Variants in DDX60L observed in about 807,000 individuals in gnomAD.
DDX60L encodes the protein probable ATP-dependent RNA helicase DDX60-like.
DDX60L carries 191 observed loss-of-function variants against 211.6 expected under a neutral mutation model. The observed-to-expected ratio is 0.90, with a 90% CI of 0.80 to 1.02. The LOEUF is 1.02. DDX60L is among the 50% of genes least tolerant of loss of function. The pLI is 0.00. For missense variants in DDX60L, 2,007 were observed against 1,984.1 expected, an observed-to-expected ratio of 1.01 and a Z score of -0.22; for synonymous variants, 706 against 694.1, an observed-to-expected ratio of 1.02 and a Z score of -0.27.
At chr4:168,366,484 A>G (rs1413752204) in intron 36 of DDX60L, among the ~76,000 whole-genome samples, 2 of 152,186 alleles carry the variant, frequency 1.3e-5, no homozygotes, top group African/African-American at 2.4e-5. Context: ...ATTAAAGAGG[A>G]CACTAAGAAA....
intron 36 of DDX60L, 141 bp from the exon 37 acceptor site, chr4:168,361,352 T>C (rs758599437): frequency 1.8e-6 from 1 of 552,320 alleles, no homozygotes. Context: ...ATTGTATTAA[T>C]CATAATGAAA....
At chr4:168,463,508 G>C (rs1057185613) in intron 4 of DDX60L, among the ~76,000 whole-genome samples, 3 of 151,984 alleles carry the variant, frequency 2.0e-5, no homozygotes, top group Non-Finnish European at 4.4e-5. Flanking sequence ...CTTAATACCT[G>C]GGTGAAGAAA....
At chr4:168,390,284 C>T in intron 29 of DDX60L, 1 of 1,109,096 alleles carries the variant, frequency 9.0e-7, no homozygotes, top group Non-Finnish European at 1.1e-6. Context: ...AACAAAAGTC[C>T]CTTAAGAGAA....
In DDX60L at chr4:168,400,979, C is replaced by T; in HGVS notation, c.3339-1G>A. The stretch of plus-strand genomic sequence containing the variant: ...TTTTCCCACATCATCATTCTTAAAC[C>T]TTAAAACAAATGAAAACAGTGCTTT... On this transcript the variant is annotated splice_acceptor_variant, in intron 25 of 37. Transcript: ENST00000682922. LOFTEE classifies it high-confidence loss of function. 1 of 1,609,686 alleles carries T rather than the reference C, an allele frequency of 6.2e-7. No individual in the cohort carries two copies. Among genetic ancestry groups the T allele is most frequent in the Non-Finnish European group, 8.5e-7 (1 of 1,178,734 alleles).
Position 168,357,032 on chromosome 4 carries a change from G to A in DDX60L, c.*1115C>T, listed in dbSNP as rs1738306729. On this transcript the variant is annotated 3_prime_UTR_variant, in exon 38 of 38. Coordinates refer to ENST00000682922, the MANE Select transcript of DDX60L (RefSeq NM_001012967.3). The stretch of plus-strand genomic sequence containing the variant: ...AACGCACCTTTAAAGGTTTGTTTTT[G>A]TTATGGTTGCTGTTTGTTCCCTTAT... 1.3e-5 allele frequency: 2 copies of A among 152,124 alleles called. No homozygotes were observed. Among genetic ancestry groups the A allele is most frequent in the South Asian group, 4.1e-4 (2 of 4,826 alleles). The allele number at this position is 152,124 out of a possible 1,614,324, so 9.4% of individuals were successfully genotyped here.
chr4:168,450,558 C>A (rs574401706), intron 8 of DDX60L, among the ~76,000 whole-genome samples: 6 of 152,102 alleles, frequency 3.9e-5, no homozygotes, highest in Non-Finnish European at 7.3e-5. Flanking sequence ...TACCCATCCA[C>A]TCACTATTGT....
rs766134990 is a variant in DDX60L at position 168,456,150 on chromosome 4, C to T, written c.726G>A (p.Ala242=). 21 of 1,533,246 alleles carry T rather than the reference C, an allele frequency of 1.4e-5. No homozygotes were observed. The highest frequency in any genetic ancestry group is 1.7e-4 in the Middle Eastern group (1 of 5,836). The allele number at this position is 1,533,246 out of a possible 1,614,324, so 95.0% of individuals were successfully genotyped here. ...GCTGAAGCAGAAATAGAGTCTGATA[C>T]GCCTATCAAAAAAGAAATTTCTTCA... ...HLKWNDMMEE[A]YQTLFLLQHL... The change falls in exon 7 of 38, where the codon GCG becomes GCA. Residue 242 remains alanine (A), a splice_region_variant and synonymous_variant. Coordinates refer to ENST00000682922, the MANE Select transcript of DDX60L (RefSeq NM_001012967.3).
intron 20 of DDX60L, among the ~76,000 whole-genome samples, chr4:168,416,478 G>T (rs1288437689): frequency 2.0e-5 from 3 of 152,184 alleles, no homozygotes; most frequent in Non-Finnish European, 4.4e-5. Flanking sequence ...CAGCTACTCA[G>T]GAGGCTGAGG....
Position 168,405,999 on chromosome 4 carries a change from T to A in DDX60L, c.3164A>T (p.Asn1055Ile). ...CCAATTTGTCAATTCTGCCTTTAAG[T>A]TTTCTTCATATTTTCTAGCATCCAA... ...KKLDARKYEE[N>I]LKAELTNWIK... Residue 1055 changes from asparagine (N) to isoleucine (I), a missense_variant, in exon 24 of 38, where the codon AAC (asparagine) becomes ATC (isoleucine). Physicochemically the swap from Asn to Ile is moderately radical, Grantham distance 149 (BLOSUM62 -3). Transcript: ENST00000682922. 1 of 1,600,980 alleles carries A rather than the reference T, an allele frequency of 6.2e-7. No individual in the cohort carries two copies. Among genetic ancestry groups the A allele is most frequent in the East Asian group, 2.3e-5 (1 of 44,298 alleles).
At chr4:168,375,337 C>A in intron 34 of DDX60L, 40 bp downstream of exon 34, 3 of 1,589,036 alleles carry the variant, frequency 1.9e-6, no homozygotes, top group Middle Eastern at 1.7e-4. Context: ...AGATTGTTTA[C>A]TCTTTAAATT....
Position 168,357,948 on chromosome 4 carries a change from G to T in DDX60L, c.*199C>A. ...AGGTATTCATTTTTACTCCGGTTTT[G>T]CCAAAAATGAAGTTAAAGCTCAGAT... On this transcript the variant is annotated 3_prime_UTR_variant, in exon 38 of 38. Transcript: ENST00000682922. 2.2e-6 allele frequency: 1 copy of T among 459,836 alleles called. No homozygotes were observed. The highest frequency in any genetic ancestry group is 3.8e-6 in the Non-Finnish European group (1 of 262,382). 28.5% of individuals were successfully genotyped at this position (459,836 alleles called of 1,614,324 possible).
intron 29 of DDX60L, among the ~76,000 whole-genome samples, chr4:168,385,036 C>T (rs1264423442): frequency 1.3e-5 from 2 of 152,166 alleles, no homozygotes; most frequent in Non-Finnish European, 2.9e-5. Context: ...CAGTTGCTGG[C>T]ATATGACTCA....
At chr4:168,466,559 A>G (rs932445875) in intron 4 of DDX60L, among the ~76,000 whole-genome samples, 2 of 152,242 alleles carry the variant, frequency 1.3e-5, no homozygotes, top group Non-Finnish European at 2.9e-5. Context: ...ATCATTCGAA[A>G]ATAGAGGAAT....
In DDX60L at chr4:168,394,590, G is replaced by T. The variant is rs760324079; in HGVS notation, c.3685C>A (p.Arg1229=). ...AGTTCTTTGCCGTGTCTTGTAAATC[G>T]CACTCGCGGTAATACCCTCTCCAAA... is the stretch of plus-strand genomic sequence containing the variant. ...STLERVLPRV[R]FTRHGKELKA... Residue 1229 remains arginine (R), a synonymous_variant, in exon 28 of 38, where the codon CGA becomes AGA. Transcript: ENST00000682922. The T allele has an allele frequency of 9.9e-6, 16 of 1,612,460 alleles. 1 individual carries two copies. The Admixed American group carries it at 1.0e-4, about 10-fold the overall frequency.
intron 25 of DDX60L, among the ~76,000 whole-genome samples, chr4:168,402,889 C>T (rs545816097): frequency 1.1e-4 from 16 of 152,250 alleles, no homozygotes; most frequent in African/African-American, 3.4e-4. Context: ...AGATCTCGTT[C>T]CCAAACATTT....
At chr4:168,474,745 A>G (rs777938545) in intron 1 of DDX60L, among the ~76,000 whole-genome samples, 20 of 152,198 alleles carry the variant, frequency 1.3e-4, no homozygotes, top group Non-Finnish European at 2.8e-4. Flanking sequence ...CACATGAAAG[A>G]TTGATCGAAG....
At position 168,394,500 on chromosome 4, in the gene DDX60L, A is replaced by G. The variant is rs766471368; in HGVS notation, c.3775T>C (p.Phe1259Leu). 4.3e-6 allele frequency: 7 copies of G among 1,609,700 alleles called. No individual in the cohort carries two copies. The East Asian group carries it at 1.6e-4, about 36-fold the overall frequency. ...CCTTTTACAAAGAGTATCTCAACAA[A>G]CTCTTTTTCTTTAAAATACATGCTG... is the stretch of plus-strand genomic sequence containing the variant. ...HSSMYFKEKE[F>L]VEILFVKGLI... is the part of the protein sequence containing the mutation. Residue 1259 changes from phenylalanine (F) to leucine (L), a missense_variant, in exon 28 of 38, where the codon TTT (phenylalanine) becomes CTT (leucine). Coordinates refer to ENST00000682922, the MANE Select transcript of DDX60L (RefSeq NM_001012967.3).
intron 4 of DDX60L, among the ~76,000 whole-genome samples, chr4:168,466,795 C>A (rs1027729573): frequency 1.3e-5 from 2 of 152,160 alleles, no homozygotes; most frequent in East Asian, 3.9e-4. Context: ...GTCCATGTAT[C>A]CCCTTTTGGT....
chr4:168,414,294 CTAGT>C (rs1311764628), intron 22 of DDX60L, among the ~76,000 whole-genome samples: 1 of 152,040 alleles, frequency 6.6e-6, no homozygotes, highest in Non-Finnish European at 1.5e-5. Context: ...AAAAAACTTA[CTAGT>C]AAGTACACAG....
Sources: gnomAD v4.1 joint callset for allele counts (sites outside exome capture counted in the v4.1 genomes callset) on GRCh38, gnomAD v4.1.1 for gene constraint, MANE v1.5 for transcripts, NCBI Gene and HGNC (gene_info 2026-07-23, HGNC 2026-07-21) for gene names.